ERCC8: variants seen among roughly 807,000 people sequenced by gnomAD.
The protein encoded by ERCC8 is DNA excision repair protein ERCC-8.
In ERCC8, 52 loss-of-function variants were observed where a neutral mutation model predicts 54.9. The observed-to-expected ratio is 0.95, with a 90% confidence interval of 0.76 to 1.19. The LOEUF (loss-of-function observed/expected upper bound fraction) is 1.19. Ranked by LOEUF, ERCC8 falls within the 50% of genes most tolerant of loss-of-function variation. The pLI is 0.00. For synonymous variants in ERCC8, 146 were observed against 157.2 expected (o/e 0.93, Z 0.53); for missense variants, 514 against 466.1 (o/e 1.10, Z -0.95).
intron 4 of ERCC8, among the ~76,000 whole-genome samples, chr5:60,912,758 TAC>T (rs1749308578): frequency 6.6e-6 from 1 of 152,126 alleles, no homozygotes; most frequent in African/African-American, 2.4e-5. Flanking sequence ...TATTTTGAGA[TAC>T]ATTCTATCAA....
intron 1 of ERCC8, among the ~76,000 whole-genome samples, chr5:60,944,539 T>C (rs1305677677): frequency 6.6e-6 from 1 of 152,214 alleles, no homozygotes; most frequent in African/African-American, 2.4e-5. Flanking sequence ...CTGCCTTTAA[T>C]AGGCTGCCTG....
intron 9 of ERCC8, among the ~76,000 whole-genome samples, chr5:60,891,688 C>A (rs1030979423): frequency 1.4e-5 from 2 of 145,420 alleles, no homozygotes; most frequent in Admixed American, 1.4e-4. Context: ...GCTGATACTT[C>A]TTTTATTTCT....
Position 60,872,262 on chromosome 5 carries a change from A to G in ERCC8, c.*2353T>C, listed in dbSNP as rs1561490502. On this transcript the variant is annotated 3_prime_UTR_variant, in exon 12 of 12. Transcript: ENST00000676185. ...GGTCTGGGCAATGATTTTTTTGGAT[A>G]CGATCTCAAAAGCACAGTAACAAAA... Among the ~76,000 whole-genome samples the G allele has an allele frequency of 6.6e-6, 1 of 152,218 alleles. No homozygotes were observed. The highest frequency in any genetic ancestry group is 1.5e-5 in the Non-Finnish European group (1 of 68,040).
intron 5 of ERCC8, 66 bp from the exon 6 acceptor site, chr5:60,903,782 T>C: frequency 6.9e-7 from 1 of 1,454,596 alleles, no homozygotes; most frequent in Non-Finnish European, 9.6e-7. Context: ...AACAAGACAT[T>C]ATCATTAGTA....
chr5:60,938,513 C>A lies in ERCC8; in HGVS notation c.77+6419G>T, dbSNP rs531897846. ...GGATTACAGGCGTGTGCCACCACAC[C>A]CGGCTAATTTTTGTATTTTTAGTAG... On this transcript the variant is annotated intron_variant, in intron 1 of 11. Transcript: ENST00000676185. Among the ~76,000 whole-genome samples the A allele has an allele frequency of 7.9e-5, 12 of 152,066 alleles. No homozygotes were observed. The South Asian group carries it at 2.1e-3, about 26-fold the overall frequency.
chr5:60,903,320 C>A (rs1330119687), intron 6 of ERCC8: 4 of 211,846 alleles, frequency 1.9e-5, no homozygotes, highest in South Asian at 7.7e-5. Flanking sequence ...ACTCATTAGC[C>A]AGAATATTAA....
intron 2 of ERCC8, 78 bp downstream of exon 2, chr5:60,928,786 C>T (rs1254237934): frequency 1.1e-5 from 9 of 798,458 alleles, no homozygotes; most frequent in Non-Finnish European, 1.9e-5. Flanking sequence ...GAAACTTCTA[C>T]ATCATTAATT....
chr5:60,928,806 A>G, intron 2 of ERCC8, 58 bp downstream of exon 2: 1 of 906,014 alleles, frequency 1.1e-6, no homozygotes, highest in South Asian at 1.5e-5. Flanking sequence ...TTGAAAAAGC[A>G]GGTTTTACTG....
chr5:60,901,567 A>G (rs928714271), intron 7 of ERCC8, among the ~76,000 whole-genome samples: 11 of 152,072 alleles, frequency 7.2e-5, no homozygotes, highest in Non-Finnish European at 2.9e-5. Flanking sequence ...GAAGCCGTTA[A>G]GTCTGAGTTT....
chr5:60,901,060 T>TA (rs1427027404), intron 7 of ERCC8, among the ~76,000 whole-genome samples: 1 of 151,340 alleles, frequency 6.6e-6, no homozygotes, highest in South Asian at 2.1e-4. Context: ...GCTGGCAACT[T>TA]AAAAAAAAAT....
At chr5:60,939,478 CTTT>C (rs4647056) in intron 1 of ERCC8, among the ~76,000 whole-genome samples, 30,198 of 151,710 alleles carry the variant, frequency 0.2, 3,569 homozygotes, top group Non-Finnish European at 0.26. Flanking sequence ...TGCAATACTT[CTTT>C]TTTTTAATTT....
At position 60,917,211 on chromosome 5, in the gene ERCC8, T is replaced by C. The variant is rs1328983496; in HGVS notation, c.399+1054A>G. ...AGAATGGAACTAGAACTCTGGCATC[T>C]ACAGTCTTGGCTCAATGTAATTGTA... On this transcript the variant is annotated intron_variant, in intron 4 of 11. Coordinates refer to ENST00000676185, the MANE Select transcript of ERCC8 (RefSeq NM_000082.4). Among the ~76,000 whole-genome samples the C allele has an allele frequency of 1.1e-4, 17 of 152,008 alleles. No individual in the cohort carries two copies. The East Asian group carries it at 3.1e-3, about 28-fold the overall frequency.
At chr5:60,916,093 T>G (rs1749426903) in intron 4 of ERCC8, among the ~76,000 whole-genome samples, 1 of 152,042 alleles carries the variant, frequency 6.6e-6, no homozygotes, top group African/African-American at 2.4e-5. Flanking sequence ...GTCTTCTGCT[T>G]CATTTCTTAA....
chr5:60,928,527 T>C (rs953627459), intron 2 of ERCC8, among the ~76,000 whole-genome samples: 1 of 152,180 alleles, frequency 6.6e-6, no homozygotes, highest in African/African-American at 2.4e-5. Flanking sequence ...TATTTTACCA[T>C]TAGACTTTTT....
rs576249082 is a variant in ERCC8 at position 60,904,666 on chromosome 5, A to G, written c.481+126T>C. On this transcript the variant is annotated intron_variant, in intron 5 of 11. Coordinates refer to ENST00000676185, the MANE Select transcript of ERCC8 (RefSeq NM_000082.4). The stretch of plus-strand genomic sequence containing the variant: ...TATATATATATATATATATATATAT[A>G]TATATATATATATATATAAAATTGT... The G allele has an allele frequency of 2.5e-4, 39 of 155,824 alleles. 4 individuals are homozygous for G. The South Asian group carries it at 7.3e-3, about 29-fold the overall frequency. 9.7% of individuals were successfully genotyped at this position (155,824 alleles called of 1,614,324 possible).
At chr5:60,943,004 C>T (rs1399647353) in intron 1 of ERCC8, among the ~76,000 whole-genome samples, 1 of 152,068 alleles carries the variant, frequency 6.6e-6, no homozygotes, top group Non-Finnish European at 1.5e-5. Flanking sequence ...TGTGTGGTAG[C>T]TCGCACATAT....
intron 9 of ERCC8, among the ~76,000 whole-genome samples, chr5:60,891,501 T>G (rs893965097): frequency 1.3e-5 from 2 of 152,108 alleles, no homozygotes; most frequent in Non-Finnish European, 2.9e-5. Context: ...AGAATAATAT[T>G]TTTTGGGGGG....
At chr5:60,884,294 G>A (rs1748329494) in intron 11 of ERCC8, among the ~76,000 whole-genome samples, 1 of 151,290 alleles carries the variant, frequency 6.6e-6, no homozygotes. Flanking sequence ...CCTGTGAATT[G>A]TGAAACCCCA....
At chr5:60,886,763 GA>G (rs911276153) in intron 11 of ERCC8, among the ~76,000 whole-genome samples, 30 of 149,316 alleles carry the variant, frequency 2.0e-4, no homozygotes, top group African/African-American at 5.8e-4. Context: ...GAAAAGAAAA[GA>G]AAAAAAGTGA....
Sources: gnomAD v4.1 joint callset for allele counts (sites outside exome capture counted in the v4.1 genomes callset) on GRCh38, gnomAD v4.1.1 for gene constraint, MANE v1.5 for transcripts, NCBI Gene and HGNC (gene_info 2026-07-23, HGNC 2026-07-21) for gene names.